CACNB2: variants seen among roughly 807,000 people sequenced by gnomAD.
CACNB2 encodes the protein calcium voltage-gated channel auxiliary subunit beta 2, also known as voltage-dependent L-type calcium channel subunit beta-2.
A neutral mutation model predicts 73.3 loss-of-function variants in CACNB2; 42 were observed. The observed-to-expected ratio is 0.57, with a 90% CI of 0.45 to 0.74. The LOEUF (loss-of-function observed/expected upper bound fraction) is 0.74, where lower values mean the gene tolerates loss of function less well. Ranked by LOEUF, CACNB2 falls within the 30% of genes least tolerant of loss-of-function variation. CACNB2 has a pLI of 0.00. For missense variants in CACNB2, 940 were observed against 853.0 expected, an observed-to-expected ratio of 1.10 and a Z score of -1.27; for synonymous variants, 348 against 310.3, an observed-to-expected ratio of 1.12 and a Z score of -1.28.
At chr10:18,240,829 C>T (rs1192770541) in intron 2 of CACNB2, among the ~76,000 whole-genome samples, 1 of 152,154 alleles carries the variant, frequency 6.6e-6, no homozygotes, top group Non-Finnish European at 1.5e-5. Context: ...AGCCAACACC[C>T]CCTCTGCCTG....
chr10:18,421,527 C>G (rs557110386), intron 3 of CACNB2, among the ~76,000 whole-genome samples: 7 of 151,916 alleles, frequency 4.6e-5, no homozygotes, highest in Admixed American at 4.6e-4. Flanking sequence ...CTCAAACTCC[C>G]GACCTCAGGT....
chr10:18,140,849 C>G lies in CACNB2; in HGVS notation c.113C>G (p.Ala38Gly). ...GCTCCCGCGGGGGCGCTCGGAGCCG[C>G]CGCACAGGTAGCGAGAGCGCGGCGC... ...NVAPAGALGAAAQSYGKGARR... is the reference protein window; with the variant it reads ...NVAPAGALGAGAQSYGKGARR... Residue 38 changes from alanine (A) to glycine (G), a missense_variant, in exon 1 of 14, where the codon GCC (alanine) becomes GGC (glycine). By Grantham distance (60) the Ala-to-Gly change is moderately conservative. Transcript: ENST00000324631. 6.2e-7 allele frequency: 1 copy of G among 1,601,176 alleles called. No homozygotes were observed. Among genetic ancestry groups the G allele is most frequent in the African/African-American group, 1.3e-5 (1 of 74,964 alleles).
rs1202418252 is a variant in CACNB2 at position 18,500,816 on chromosome 10, T to A, written c.461T>A (p.Phe154Tyr). The A allele has an allele frequency of 6.2e-7, 1 of 1,613,844 alleles. No homozygotes were observed. The highest frequency in any genetic ancestry group is 1.3e-5 in the African/African-American group (1 of 74,946). Residue 154 changes from phenylalanine to tyrosine, a missense_variant, in exon 5 of 14, where the codon TTT becomes TAT. By Grantham distance (22) the Phe-to-Tyr change is conservative. Coordinates refer to ENST00000324631, the MANE Select transcript of CACNB2 (RefSeq NM_201596.3). ...AKDFLHVKEKFNNDWWIGRLV... is the reference protein window; with the variant it reads ...AKDFLHVKEKYNNDWWIGRLV... ...TGCTTTTGATTTTGTGTTTAGAAAT[T>A]TAACAATGACTGGTGGATAGGGCGA...
intron 2 of CACNB2, among the ~76,000 whole-genome samples, chr10:18,386,320 AC>A (rs1048662037): frequency 1.3e-5 from 2 of 151,822 alleles, no homozygotes; most frequent in African/African-American, 4.8e-5. Flanking sequence ...AAGGCATCAA[AC>A]TTTTGTCAGC....
chr10:18,425,604 G>A (rs2045558396), intron 3 of CACNB2, among the ~76,000 whole-genome samples: 1 of 152,102 alleles, frequency 6.6e-6, no homozygotes. Flanking sequence ...GGAGGTCAAG[G>A]CTGCAGTGAG....
intron 3 of CACNB2, among the ~76,000 whole-genome samples, chr10:18,411,878 A>G (rs2044651051): frequency 6.6e-6 from 1 of 152,218 alleles, no homozygotes; most frequent in South Asian, 2.1e-4. Context: ...TGACTACACT[A>G]TCAGCAAAAT....
intron 2 of CACNB2, among the ~76,000 whole-genome samples, chr10:18,299,106 G>GA (rs1236488123): frequency 8.0e-6 from 1 of 125,544 alleles, no homozygotes; most frequent in Non-Finnish European, 1.7e-5. Flanking sequence ...AAAATAAAAA[G>GA]AAAAAAATAA....
chr10:18,184,148 C>A (rs1040681902), intron 2 of CACNB2, among the ~76,000 whole-genome samples: 3 of 152,114 alleles, frequency 2.0e-5, no homozygotes, highest in Non-Finnish European at 4.4e-5. Flanking sequence ...TCTAAACTTA[C>A]CCCAATGCCA....
At chr10:18,164,062 C>T (rs1390876591) in intron 2 of CACNB2, among the ~76,000 whole-genome samples, 1 of 152,170 alleles carries the variant, frequency 6.6e-6, no homozygotes, top group African/African-American at 2.4e-5. Flanking sequence ...TTGATGCTTT[C>T]TATTGGCAAG....
At chr10:18,423,974 T>C (rs1269162857) in intron 3 of CACNB2, among the ~76,000 whole-genome samples, 3 of 152,252 alleles carry the variant, frequency 2.0e-5, no homozygotes, top group Admixed American at 1.3e-4. Context: ...GGATGTCATC[T>C]TGTCTTCTCA....
chr10:18,222,018 G>A (rs182921159), intron 2 of CACNB2, among the ~76,000 whole-genome samples: 1 of 152,312 alleles, frequency 6.6e-6, no homozygotes, highest in East Asian at 1.9e-4. Flanking sequence ...AGATTGGCTG[G>A]CAAACTTGCC....
At chr10:18,155,961 A>C (rs2032019391) in intron 2 of CACNB2, among the ~76,000 whole-genome samples, 1 of 151,772 alleles carries the variant, frequency 6.6e-6, no homozygotes, top group Non-Finnish European at 1.5e-5. Context: ...CACATTATAT[A>C]CATGAAAGGT....
Position 18,171,293 on chromosome 10 carries a change from T to G in CACNB2, c.213+20318T>G, listed in dbSNP as rs1453564272. On this transcript the variant is annotated intron_variant, in intron 2 of 13. Transcript: ENST00000324631. Reference sequence around the variant, plus strand: ...TTGTGATAAGTTAGGATATTTTGGTTGTAAGCTTCAGAATCCCATTTCAAA... The same window carrying G: ...TTGTGATAAGTTAGGATATTTTGGTGGTAAGCTTCAGAATCCCATTTCAAA... Among the ~76,000 whole-genome samples, 3 of 152,050 alleles carry G rather than the reference T, an allele frequency of 2.0e-5. No individual in the cohort carries two copies. In the East Asian group the frequency reaches 5.8e-4, roughly 29 times the overall value.
Position 18,540,501 on chromosome 10 carries a change from A to C in CACNB2, c.*777A>C, listed in dbSNP as rs2054013385. Reference sequence around the variant, plus strand: ...AGTAGAAAGTGTGTACATACTGTAAATATGTGTGATTGCTTGACTTGAAAA... The same window carrying C: ...AGTAGAAAGTGTGTACATACTGTAACTATGTGTGATTGCTTGACTTGAAAA... On this transcript the variant is annotated 3_prime_UTR_variant, in exon 14 of 14. Transcript: ENST00000324631. The C allele has an allele frequency of 6.6e-6, 1 of 152,552 alleles. No homozygotes were observed. Among genetic ancestry groups the C allele is most frequent in the African/African-American group, 2.4e-5 (1 of 41,428 alleles). The allele number at this position is 152,552 out of a possible 1,614,324, so 9.4% of individuals were successfully genotyped here.
intron 2 of CACNB2, among the ~76,000 whole-genome samples, chr10:18,272,153 A>G (rs1230215074): frequency 6.6e-6 from 1 of 152,028 alleles, no homozygotes; most frequent in Non-Finnish European, 1.5e-5. Context: ...TCTTTGGAGC[A>G]GATATGATAT....
chr10:18,452,816 AC>A (rs1337690366), intron 3 of CACNB2, among the ~76,000 whole-genome samples: 15 of 152,238 alleles, frequency 9.9e-5, no homozygotes, highest in African/African-American at 3.6e-4. Flanking sequence ...GCTTTTGCTG[AC>A]TCTAGTCATT....
At chr10:18,170,254 T>C (rs1466755375) in intron 2 of CACNB2, among the ~76,000 whole-genome samples, 1 of 152,184 alleles carries the variant, frequency 6.6e-6, no homozygotes, top group African/African-American at 2.4e-5. Flanking sequence ...AATGAATGGA[T>C]GTAGGATGGT....
At chr10:18,261,890 T>C (rs2037561133) in intron 2 of CACNB2, 2 of 515,924 alleles carry the variant, frequency 3.9e-6, no homozygotes, top group Non-Finnish European at 3.9e-6. Context: ...TGTCTGAGTA[T>C]TAAATTCTAC....
At chr10:18,515,967 C>T (rs1190891516) in intron 7 of CACNB2, among the ~76,000 whole-genome samples, 11 of 152,110 alleles carry the variant, frequency 7.2e-5, no homozygotes, top group Admixed American at 2.0e-4. Flanking sequence ...AATCCCAGCC[C>T]TTTAGGAGGC....
Sources: allele counts gnomAD v4.1 joint callset (sites outside exome capture counted in the v4.1 genomes callset), GRCh38; gene constraint gnomAD v4.1.1; transcripts MANE v1.5; gene names NCBI Gene and HGNC (gene_info 2026-07-23, HGNC 2026-07-21).